The following PDE3B variants were observed in gnomAD, a reference collection of about 807,000 sequenced individuals.
The protein encoded by PDE3B is cGMP-inhibited 3',5'-cyclic phosphodiesterase 3B.
PDE3B carries 66 observed loss-of-function variants against 116.8 expected under a neutral mutation model. The observed-to-expected ratio is 0.56, with a 90% CI of 0.46 to 0.69. PDE3B has a LOEUF of 0.69. PDE3B is among the 30% of genes least tolerant of loss of function. The pLI is 0.00. For synonymous variants in PDE3B, 595 were observed against 533.6 expected (o/e 1.12, Z -1.59); for missense variants, 1,384 against 1,368.1 (o/e 1.01, Z -0.18).
rs760122791 is a variant in PDE3B at position 14,644,435 on chromosome 11, C to T, written c.360C>T (p.Ser120=). 7 of 1,612,844 alleles carry T rather than the reference C, an allele frequency of 4.3e-6. No individual in the cohort carries two copies. The South Asian group carries it at 6.6e-5, about 15-fold the overall frequency. ...TGAGCGTGTGTTCGCACAGCTTGAG[C>T]CCCCTCTTCAGCATCGCCTGTGCCT... ...TLLSVCSHSL[S]PLFSIACAFF... is the part of the protein sequence containing the mutation. The change falls in exon 1 of 16, where the codon AGC becomes AGT. Residue 120 remains serine (S), a synonymous_variant. Coordinates refer to ENST00000282096, the MANE Select transcript of PDE3B (RefSeq NM_000922.4).
At chr11:14,707,999 C>T (rs551978728) in intron 1 of PDE3B, among the ~76,000 whole-genome samples, 4 of 152,066 alleles carry the variant, frequency 2.6e-5, no homozygotes, top group African/African-American at 9.6e-5. Flanking sequence ...TTTATTTAGC[C>T]TTCTTCTTGG....
intron 1 of PDE3B, among the ~76,000 whole-genome samples, chr11:14,655,586 C>T (rs1470280532): frequency 1.3e-5 from 2 of 152,134 alleles, no homozygotes; most frequent in Non-Finnish European, 2.9e-5. Context: ...CTAGTAGACT[C>T]AGATGTGCAG....
downstream of PDE3B, among the ~76,000 whole-genome samples, chr11:14,872,833 G>A (rs184091108): frequency 2.0e-5 from 3 of 152,216 alleles, no homozygotes; most frequent in Admixed American, 6.5e-5. Flanking sequence ...ATTTGGTTGC[G>A]GATGCAGAAC....
Position 14,789,090 on chromosome 11 carries a change from T to C in PDE3B, c.1279-16T>C. The C allele has an allele frequency of 1.3e-6, 2 of 1,586,332 alleles. No homozygotes were observed. Among genetic ancestry groups the C allele is most frequent in the East Asian group, 2.2e-5 (1 of 44,504 alleles). The stretch of plus-strand genomic sequence containing the variant: ...TAAAGAGTGACATTTTAAACCATTG[T>C]TAAATTATTCAACAGGGACTAAATA... On this transcript the variant is annotated splice_polypyrimidine_tract_variant and intron_variant, in intron 3 of 15. Transcript: ENST00000282096.
intron 1 of PDE3B, among the ~76,000 whole-genome samples, chr11:14,707,546 A>G (rs1196820687): frequency 1.3e-5 from 2 of 151,974 alleles, no homozygotes; most frequent in Non-Finnish European, 2.9e-5. Flanking sequence ...GAAGATTTTT[A>G]TTGGGGATTT....
chr11:14,838,362 C>A (rs919853087), intron 11 of PDE3B, among the ~76,000 whole-genome samples: 1 of 152,100 alleles, frequency 6.6e-6, no homozygotes, highest in African/African-American at 2.4e-5. Flanking sequence ...GCTTGAAATA[C>A]AATGCAAATG....
chr11:14,662,473 G>C (rs1003619076), intron 1 of PDE3B, among the ~76,000 whole-genome samples: 1 of 152,124 alleles, frequency 6.6e-6, no homozygotes, highest in Non-Finnish European at 1.5e-5. Context: ...ACTTTGACGA[G>C]TTGAGAGAAG....
At chr11:14,686,258 T>A (rs970832319) in intron 1 of PDE3B, among the ~76,000 whole-genome samples, 4 of 152,228 alleles carry the variant, frequency 2.6e-5, no homozygotes, top group African/African-American at 9.6e-5. Context: ...CTTATACCTT[T>A]ATCTGAGTCT....
At chr11:14,877,454 A>T in the PDE3B span, 2 of 152,148 alleles carry the variant, frequency 1.3e-5, no homozygotes, top group African/African-American at 4.8e-5. Flanking sequence ...TTTAAATTTT[A>T]AATATATTAT....
At chr11:14,664,466 A>G (rs1010577044) in intron 1 of PDE3B, among the ~76,000 whole-genome samples, 1 of 152,224 alleles carries the variant, frequency 6.6e-6, no homozygotes, top group Admixed American at 6.5e-5. Context: ...CAAAAAATCA[A>G]TGAATCCAGG....
intron 1 of PDE3B, among the ~76,000 whole-genome samples, chr11:14,722,353 G>T (rs560532821): frequency 6.6e-6 from 1 of 151,588 alleles, no homozygotes; most frequent in African/African-American, 2.4e-5. Flanking sequence ...AAGTCTAGTC[G>T]AGGGTAGCAA....
intron 14 of PDE3B, 23 bp from the exon 15 acceptor site, chr11:14,867,483 A>G: frequency 6.2e-7 from 1 of 1,603,508 alleles, no homozygotes. Context: ...TTAAAAATGT[A>G]CTTTTCTTTT....
rs535445729 is a variant in PDE3B, at chr11:14,778,552, G to T, written c.1029+6565G>T. 2.0e-5 allele frequency among the ~76,000 whole-genome samples: 3 copies of T among 152,346 alleles called. No homozygotes were observed. In the East Asian group the frequency reaches 5.8e-4, roughly 29 times the overall value. ...TCTGCACTGGTGATATCCAGGCAAA[G>T]AGTGTCTGGAGTGGACCTCCAGCAA... On this transcript the variant is annotated intron_variant, in intron 2 of 15. Coordinates refer to ENST00000282096, the MANE Select transcript of PDE3B (RefSeq NM_000922.4).
At chr11:14,771,772 A>G (rs376111514) in intron 1 of PDE3B, among the ~76,000 whole-genome samples, 165 bp from the exon 2 acceptor site, 1 of 151,752 alleles carries the variant, frequency 6.6e-6, no homozygotes, top group Non-Finnish European at 1.5e-5. Context: ...TATAGATTAT[A>G]TTAATGAAAT....
chr11:14,723,573 G>A (rs1856188471), intron 1 of PDE3B, among the ~76,000 whole-genome samples: 1 of 151,942 alleles, frequency 6.6e-6, no homozygotes, highest in East Asian at 1.9e-4. Context: ...GGGCAATATA[G>A]TGAGACCCTG....
intron 4 of PDE3B, among the ~76,000 whole-genome samples, chr11:14,797,164 G>A (rs938558255): frequency 2.6e-5 from 4 of 152,210 alleles, no homozygotes; most frequent in Non-Finnish European, 4.4e-5. Flanking sequence ...TCAAAGATCA[G>A]ATGGTTGTAG....
In PDE3B at chr11:14,871,016, C is replaced by G. The variant is rs1281684115; in HGVS notation, c.*1356C>G. On this transcript the variant is annotated 3_prime_UTR_variant, in exon 16 of 16. Coordinates refer to ENST00000282096, the MANE Select transcript of PDE3B (RefSeq NM_000922.4). Reference sequence around the variant, plus strand: ...GCCAAAATGATGGCAAAATGGTAGGCTAATATTTTCTATTATTATTGGAGA... The same window carrying G: ...GCCAAAATGATGGCAAAATGGTAGGGTAATATTTTCTATTATTATTGGAGA... The G allele has an allele frequency of 6.6e-6, 1 of 152,046 alleles. No individual in the cohort carries two copies. The highest frequency in any genetic ancestry group is 1.5e-5 in the Non-Finnish European group (1 of 68,002). The allele number at this position is 152,046 out of a possible 1,614,324, so 9.4% of individuals were successfully genotyped here.
chr11:14,800,290 C>A (rs1174485137), intron 4 of PDE3B, among the ~76,000 whole-genome samples: 4 of 152,142 alleles, frequency 2.6e-5, no homozygotes, highest in African/African-American at 7.2e-5. Context: ...CGTGGTGAAA[C>A]CCCGTCTCTA....
intron 1 of PDE3B, among the ~76,000 whole-genome samples, chr11:14,658,987 G>A (rs1344822887): frequency 6.6e-6 from 1 of 152,036 alleles, no homozygotes; most frequent in Admixed American, 6.5e-5. Context: ...TTTTTTCCTA[G>A]TTGATACATA....
Sources: gnomAD v4.1 joint callset for allele counts (sites outside exome capture counted in the v4.1 genomes callset) on GRCh38, gnomAD v4.1.1 for gene constraint, MANE v1.5 for transcripts, NCBI Gene and HGNC (gene_info 2026-07-23, HGNC 2026-07-21) for gene names.